ERC1: variants seen among roughly 807,000 people sequenced by gnomAD.
ERC1 encodes the protein ELKS/RAB6-interacting/CAST family member 1.
Under a neutral mutation model 132.0 loss-of-function variants are expected in ERC1, and 56 were observed. That is an observed-to-expected ratio of 0.42 (90% CI 0.34 to 0.53). The LOEUF (loss-of-function observed/expected upper bound fraction) is 0.53. Among genes scored for constraint, ERC1 ranks in the 20% least tolerant of loss-of-function variants. ERC1 has a pLI of 0.03. For synonymous variants in ERC1, 478 were observed against 476.1 expected (o/e 1.00, Z -0.05); for missense variants, 1,202 against 1,349.9 (o/e 0.89, Z 1.72).
intron 14 of ERC1, among the ~76,000 whole-genome samples, chr12:1,280,031 A>T (rs1166738909): frequency 6.6e-6 from 1 of 152,154 alleles, no homozygotes; most frequent in Non-Finnish European, 1.5e-5. Context: ...TCTAAACTGC[A>T]GAGCAACTTC....
chr12:1,149,057 A>G (rs1039940425), intron 8 of ERC1, among the ~76,000 whole-genome samples: 5 of 152,138 alleles, frequency 3.3e-5, no homozygotes, highest in Non-Finnish European at 7.3e-5. Flanking sequence ...CTGATAAAAT[A>G]GAGATAGCTT....
At position 1,237,786 on chromosome 12, in the gene ERC1, T is replaced by C. The variant is rs183167818; in HGVS notation, c.2487+882T>C. Among the ~76,000 whole-genome samples, 251 of 152,026 alleles carry C rather than the reference T, an allele frequency of 1.7e-3. 1 individual carries two copies. Among genetic ancestry groups the C allele is most frequent in the Middle Eastern group, 6.8e-3 (2 of 294 alleles). On this transcript the variant is annotated intron_variant, in intron 13 of 18. Coordinates refer to ENST00000360905, the MANE Select transcript of ERC1 (RefSeq NM_178040.4). ...AGATTATAGGGAAGAATACCATAAATGTGCTGGAGTCTCTGAAAGCCATGC... is the reference window on the plus strand; with the variant it reads ...AGATTATAGGGAAGAATACCATAAACGTGCTGGAGTCTCTGAAAGCCATGC...
chr12:1,058,935 T>C (rs1813767976), intron 2 of ERC1, among the ~76,000 whole-genome samples: 1 of 151,852 alleles, frequency 6.6e-6, no homozygotes, highest in African/African-American at 2.4e-5. Flanking sequence ...GGGATGACAG[T>C]GGTCATTTTA....
chr12:993,469 A>T (rs60162523), intron 1 of ERC1, among the ~76,000 whole-genome samples: 1,898 of 152,178 alleles, frequency 0.012, 41 homozygotes, highest in African/African-American at 0.044. Flanking sequence ...CCTACATTTT[A>T]TTTTTCAAAA....
chr12:1,167,874 A>C (rs1177745946), intron 8 of ERC1, among the ~76,000 whole-genome samples: 1 of 150,802 alleles, frequency 6.6e-6, no homozygotes, highest in Non-Finnish European at 1.5e-5. Context: ...GCGCCACCAC[A>C]CCCTGCTAAT....
chr12:1,039,527 C>CA (rs762426789), intron 2 of ERC1, among the ~76,000 whole-genome samples: 228 of 128,348 alleles, frequency 1.8e-3, no homozygotes, highest in East Asian at 3.3e-3. Context: ...AAGAGTCTGT[C>CA]AAAAAAAAAA....
intron 17 of ERC1, among the ~76,000 whole-genome samples, chr12:1,421,181 C>A (rs375183268): frequency 5.3e-5 from 8 of 152,082 alleles, no homozygotes; most frequent in Non-Finnish European, 1.2e-4. Context: ...ATTATAGTCA[C>A]CTTATAGTGC....
In ERC1 at chr12:1,027,159, G is replaced by A. The variant is rs1254095106; in HGVS notation, c.-156-589G>A. Reference sequence around the variant, plus strand: ...TATGGTTTTGTTGCTGTTGTGAATGGGATTTAAAATTTCCTTTAAATTAAA... The same window carrying A: ...TATGGTTTTGTTGCTGTTGTGAATGAGATTTAAAATTTCCTTTAAATTAAA... On this transcript the variant is annotated intron_variant, in intron 1 of 18. Transcript: ENST00000360905. Among the ~76,000 whole-genome samples the A allele has an allele frequency of 2.0e-5, 3 of 152,066 alleles. No homozygotes were observed. The East Asian group carries it at 5.8e-4, about 29-fold the overall frequency.
chr12:1,483,318 A>G (rs945198625), intron 18 of ERC1, among the ~76,000 whole-genome samples: 2 of 152,110 alleles, frequency 1.3e-5, no homozygotes, highest in Non-Finnish European at 2.9e-5. Flanking sequence ...AAAGAATAGA[A>G]TCATACAAGA....
intron 2 of ERC1, among the ~76,000 whole-genome samples, chr12:1,031,749 GTTCT>G (rs1968083903): frequency 6.6e-6 from 1 of 152,052 alleles, no homozygotes; most frequent in African/African-American, 2.4e-5. Flanking sequence ...TCCTTAGAAA[GTTCT>G]TTGAGTTTGA....
At position 1,263,591 on chromosome 12, in the gene ERC1, G is replaced by A. The variant is rs145461951; in HGVS notation, c.2619+426G>A. 4.8e-3 allele frequency among the ~76,000 whole-genome samples: 732 copies of A among 152,312 alleles called. 8 individuals carry two copies. The highest frequency in any genetic ancestry group is 0.017 in the African/African-American group (700 of 41,558). ...TGTAGCATGTGCTAATGTATTGGAC[G>A]AGATGAAATGGAGCTTGTCTGTCTG... On this transcript the variant is annotated intron_variant, in intron 14 of 18. Coordinates refer to ENST00000360905, the MANE Select transcript of ERC1 (RefSeq NM_178040.4).
At chr12:1,111,154 A>T (rs1197083638) in intron 5 of ERC1, among the ~76,000 whole-genome samples, 3 of 152,108 alleles carry the variant, frequency 2.0e-5, no homozygotes, top group African/African-American at 7.2e-5. Context: ...TTCAGGCGTA[A>T]TATGACAAAG....
intron 1 of ERC1, among the ~76,000 whole-genome samples, chr12:1,023,987 G>C (rs948325719): frequency 2.6e-5 from 4 of 152,192 alleles, no homozygotes; most frequent in African/African-American, 9.6e-5. Flanking sequence ...TGCTGTCAAT[G>C]AACATGTGGA....
At chr12:1,079,087 T>C (rs1258428054) in intron 2 of ERC1, among the ~76,000 whole-genome samples, 1 of 151,286 alleles carries the variant, frequency 6.6e-6, no homozygotes, top group African/African-American at 2.4e-5. Flanking sequence ...TAGAAATGAT[T>C]TGTAATATGA....
chr12:1,149,403 G>C (rs541242634), intron 8 of ERC1, among the ~76,000 whole-genome samples: 1 of 152,160 alleles, frequency 6.6e-6, no homozygotes, highest in Non-Finnish European at 1.5e-5. Flanking sequence ...ATATATATTG[G>C]TTGATTTGTT....
chr12:1,204,487 C>T (rs773668699), intron 12 of ERC1: 2 of 1,585,884 alleles, frequency 1.3e-6, no homozygotes, highest in Non-Finnish European at 1.7e-6. Context: ...TCCTGGATTT[C>T]CTGTTTCCTT....
intron 18 of ERC1, among the ~76,000 whole-genome samples, chr12:1,457,366 T>C (rs1490701922): frequency 6.6e-6 from 1 of 152,204 alleles, no homozygotes; most frequent in Non-Finnish European, 1.5e-5. Context: ...TGGGTCCTCA[T>C]AAAGAATCTG....
At chr12:1,246,826 T>C (rs1364027472) in intron 13 of ERC1, among the ~76,000 whole-genome samples, 1 of 152,150 alleles carries the variant, frequency 6.6e-6, no homozygotes, top group African/African-American at 2.4e-5. Flanking sequence ...TCTGGGACAT[T>C]TTACGACATA....
intron 1 of ERC1, among the ~76,000 whole-genome samples, chr12:1,005,757 T>A (rs941300048): frequency 1.7e-4 from 26 of 152,272 alleles, no homozygotes; most frequent in African/African-American, 6.0e-4. Flanking sequence ...TTGTTAAGTT[T>A]GAACTTGACA....
Sources: allele counts gnomAD v4.1 joint callset (sites outside exome capture counted in the v4.1 genomes callset), GRCh38; gene constraint gnomAD v4.1.1; transcripts MANE v1.5; gene names NCBI Gene and HGNC (gene_info 2026-07-23, HGNC 2026-07-21).